The following DPF1 variants were observed in gnomAD, a reference collection of about 807,000 sequenced individuals.
DPF1 encodes the protein double PHD fingers 1, also known as zinc finger protein neuro-d4.
DPF1 carries 14 observed loss-of-function variants against 58.7 expected under a neutral mutation model. That is an observed-to-expected ratio of 0.24 (90% CI 0.16 to 0.37). The LOEUF (loss-of-function observed/expected upper bound fraction) is 0.37. Ranked by LOEUF, DPF1 falls within the 10% of genes least tolerant of loss-of-function variation. The pLI, the probability that DPF1 is intolerant of heterozygous loss-of-function variation, is 1.00. For missense variants in DPF1, 345 were observed against 529.9 expected (o/e 0.65, Z 3.43); for synonymous variants, 216 against 216.0 (o/e 1.00, Z 0.00).
Position 38,212,347 on chromosome 19 carries a change from A to G in DPF1, c.1026T>C (p.Phe342=), listed in dbSNP as rs750962684. ...GGTAACCCCGATCGCAGTCATCACAAAACAGCAGCTGGTCCTGGGGGGTGA... is the reference window on the plus strand; with the variant it reads ...GGTAACCCCGATCGCAGTCATCACAGAACAGCAGCTGGTCCTGGGGGGTGA... ...GTSENDDQLL[F]CDDCDRGYHM... Residue 342 remains phenylalanine, a synonymous_variant, in exon 11 of 12, where the codon TTT becomes TTC. Coordinates refer to ENST00000355526, the MANE Select transcript of DPF1 (RefSeq NM_001135155.3). 33 of 1,477,628 alleles carry G rather than the reference A, an allele frequency of 2.2e-5. No homozygotes were observed. Among genetic ancestry groups the G allele is most frequent in the Non-Finnish European group, 8.1e-6 (9 of 1,115,200 alleles). 91.5% of individuals were successfully genotyped at this position (1,477,628 alleles called of 1,614,324 possible).
chr19:38,214,698 T>C (rs1966884177), intron 9 of DPF1, among the ~76,000 whole-genome samples: 1 of 152,120 alleles, frequency 6.6e-6, no homozygotes, highest in Admixed American at 6.5e-5. Context: ...AAGGTCTCAC[T>C]CTGTTGCCCA....
In DPF1 at chr19:38,229,505, A is replaced by C. The variant is rs1600301202; in HGVS notation, c.-132+54T>G. On this transcript the variant is annotated intron_variant, in intron 1 of 11. Transcript: ENST00000412732. This position sits in a 1 kb window ranked among gnomAD's most constrained non-coding sequence, Gnocchi z 5.3. ...CCTCAGCCCCAGGGCGGGCGGGGGA[A>C]GGGCTCCTGGTGGGGGGGTCTGGAC... 4.0e-5 allele frequency: 33 copies of C among 821,154 alleles called. No individual in the cohort carries two copies. The East Asian group carries it at 4.3e-4, about 11-fold the overall frequency. 50.9% of individuals were successfully genotyped at this position (821,154 alleles called of 1,614,324 possible).
chr19:38,228,211 C>T (rs1470720473), upstream of DPF1, among the ~76,000 whole-genome samples: 2 of 152,134 alleles, frequency 1.3e-5, no homozygotes, highest in Admixed American at 6.5e-5. Flanking sequence ...CTGCTCACGG[C>T]GAAGCCACAC....
intron 3 of DPF1, among the ~76,000 whole-genome samples, chr19:38,220,990 T>C (rs1177012017): frequency 6.6e-6 from 1 of 151,684 alleles, no homozygotes; most frequent in Admixed American, 6.6e-5. Flanking sequence ...TCAGGAAGAT[T>C]CTCCCAGACA....
chr19:38,212,237 T>TGGGGGGGGGGGGGGGGCCCC, intron 11 of DPF1, 43 bp downstream of exon 11: 1 of 1,256,816 alleles, frequency 8.0e-7, no homozygotes, highest in Non-Finnish European at 1.1e-6. Flanking sequence ...GGAGATGGCG[T>TGGGGGGGGGGGGGGGGCCCC]TCCCACCCAC....
At chr19:38,214,831 C>CTTTTTTTT (rs36047300) in intron 9 of DPF1, among the ~76,000 whole-genome samples, 1 of 89,396 alleles carries the variant, frequency 1.1e-5, no homozygotes, top group African/African-American at 4.7e-5. Context: ...TATGCCCAGC[C>CTTTTTTTT]TTTTTTTTTT....
upstream of DPF1, among the ~76,000 whole-genome samples, chr19:38,225,558 G>C (rs554582133): frequency 2.7e-5 from 4 of 150,790 alleles, no homozygotes; most frequent in Non-Finnish European, 4.4e-5. Flanking sequence ...GGCAGAGCGA[G>C]ACTCTGTCTC....
chr19:38,226,993 T>TCTTCCTTCCTTC (rs71179424), upstream of DPF1, among the ~76,000 whole-genome samples: 776 of 71,700 alleles, frequency 0.011, 4 homozygotes, highest in South Asian at 0.031. Context: ...CTTTTATTTC[T>TCTTCCTTCCTTC]CTTCCTTCCT....
At chr19:38,219,183 A>G in intron 3 of DPF1, 125 bp from the exon 4 acceptor site, 1 of 1,405,642 alleles carries the variant, frequency 7.1e-7, no homozygotes, top group South Asian at 1.3e-5. Flanking sequence ...GGATTTAACC[A>G]CATGCCCTAG....
rs754194178 is a variant in DPF1, at chr19:38,222,572, T to C, written c.166A>G (p.Met56Val). The change falls in exon 2 of 12, where the codon ATG (methionine) becomes GTG (valine). Residue 56 changes from methionine (M) to valine (V), a missense_variant. Met to Val is a conservative substitution (Grantham distance 21). Transcript: ENST00000355526. The surrounding 1 kb of genome is among the most constrained non-coding windows in gnomAD (Gnocchi z 4.9). ...GVAQNNCYIW[M>V]EKTHRGPGLA... ...CCCGGCCCGCGGTGGGTCTTCTCCA[T>C]CCAGATGTAGCAGTTGTTCTGGGCC... The C allele has an allele frequency of 6.2e-7, 1 of 1,611,336 alleles. No homozygotes were observed. The highest frequency in any genetic ancestry group is 8.5e-7 in the Non-Finnish European group (1 of 1,178,966).
At position 38,211,999 on chromosome 19, in the gene DPF1, A is replaced by C; in HGVS notation, c.*64T>G. The C allele has an allele frequency of 6.4e-7, 1 of 1,555,366 alleles. No individual in the cohort carries two copies. The highest frequency in any genetic ancestry group is 8.8e-7 in the Non-Finnish European group (1 of 1,141,472). ...TGCGGGATGTTCAGGGTGGGGGAGA[A>C]TTGAGGAGCTCGGAGAGGCAGGTAG... On this transcript the variant is annotated 3_prime_UTR_variant, in exon 12 of 12. Coordinates refer to ENST00000355526, the MANE Select transcript of DPF1 (RefSeq NM_001135155.3). The surrounding 1 kb of genome is among the most constrained non-coding windows in gnomAD (Gnocchi z 4.0).
In DPF1 at chr19:38,229,290, G is replaced by T. The variant is rs368722142; in HGVS notation, c.-132+269C>A. 9.3e-4 allele frequency among the ~76,000 whole-genome samples: 141 copies of T among 152,158 alleles called. No individual in the cohort carries two copies. In the East Asian group the frequency reaches 0.015, roughly 16 times the overall value. On this transcript the variant is annotated intron_variant, in intron 1 of 11. Transcript: ENST00000412732. The surrounding 1 kb of genome is among the most constrained non-coding windows in gnomAD (Gnocchi z 5.3). Reference sequence around the variant, plus strand: ...AAACCCCTACCCCCACTCTGGGTGGGGAAACGGCCTCCGCCACCCCCAGCC... The same window carrying T: ...AAACCCCTACCCCCACTCTGGGTGGTGAAACGGCCTCCGCCACCCCCAGCC...
intron 7 of DPF1, among the ~76,000 whole-genome samples, chr19:38,216,907 A>T (rs1400939471): frequency 6.6e-6 from 1 of 152,212 alleles, no homozygotes; most frequent in East Asian, 1.9e-4. Context: ...ACCCCAGCCA[A>T]GATCTGGTAT....
At chr19:38,220,268 G>A (rs1967354424) in intron 3 of DPF1, among the ~76,000 whole-genome samples, 1 of 146,890 alleles carries the variant, frequency 6.8e-6, no homozygotes. Context: ...AAGAAAGGAA[G>A]GAAGGAAAGA....
intron 10 of DPF1, 53 bp from the exon 11 acceptor site, chr19:38,212,414 C>CCG: frequency 1.4e-5 from 2 of 140,700 alleles, no homozygotes; most frequent in South Asian, 1.4e-4. Flanking sequence ...GCACCAGAAA[C>CCG]GGGGGTGGGG....
At chr19:38,221,793 A>T (rs918190425) in intron 3 of DPF1, among the ~76,000 whole-genome samples, 2 of 152,058 alleles carry the variant, frequency 1.3e-5, no homozygotes, top group African/African-American at 4.8e-5. Flanking sequence ...CTATTTAAAA[A>T]ACAACAGGCC....
At chr19:38,217,274 G>C in intron 7 of DPF1, 186 bp downstream of exon 7, 1 of 714,394 alleles carries the variant, frequency 1.4e-6, no homozygotes, top group Non-Finnish European at 2.3e-6. Flanking sequence ...GGCCAGGAGC[G>C]AAGGAGCGAT....
rs372894571 is a variant in DPF1 at position 38,212,004 on chromosome 19, G to C, written c.*59C>G. 1.8e-5 allele frequency: 28 copies of C among 1,570,472 alleles called. No individual in the cohort carries two copies. The highest frequency in any genetic ancestry group is 5.5e-5 in the Admixed American group (3 of 54,250). On this transcript the variant is annotated 3_prime_UTR_variant, in exon 12 of 12. Coordinates refer to ENST00000355526, the MANE Select transcript of DPF1 (RefSeq NM_001135155.3). The stretch of plus-strand genomic sequence containing the variant: ...GATGTTCAGGGTGGGGGAGAATTGA[G>C]GAGCTCGGAGAGGCAGGTAGGCGAG...
In DPF1 at chr19:38,218,612, C is replaced by T; in HGVS notation, c.477G>A (p.Glu159=). The T allele has an allele frequency of 1.9e-6, 3 of 1,614,190 alleles. No homozygotes were observed. Among genetic ancestry groups the T allele is most frequent in the South Asian group, 2.2e-5 (2 of 91,088 alleles). The change falls in exon 5 of 12, where the codon GAG becomes GAA. Residue 159 remains glutamate, a synonymous_variant. Coordinates refer to ENST00000355526, the MANE Select transcript of DPF1 (RefSeq NM_001135155.3). ...TGTTCTTCCTCCTGGGAATGTCATC[C>T]TCCAAGTCTTCCACCTCGAGGTCAT... ...FPHDLEVEDL[E]DDIPRRKNRA...
Sources: allele counts gnomAD v4.1 joint callset (sites outside exome capture counted in the v4.1 genomes callset), GRCh38; gene constraint gnomAD v4.1.1; non-coding constraint Gnocchi (gnomAD v3.1); transcripts MANE v1.5; gene names NCBI Gene and HGNC (gene_info 2026-07-23, HGNC 2026-07-21).